ADAMTS6: variants seen among roughly 807,000 people sequenced by gnomAD.
ADAMTS6 encodes A disintegrin and metalloproteinase with thrombospondin motifs 6.
In ADAMTS6, 23 loss-of-function variants were observed where a neutral mutation model predicts 144.3. The observed-to-expected ratio is 0.16, with a 90% confidence interval of 0.11 to 0.23. The LOEUF is 0.23. Ranked by LOEUF, ADAMTS6 falls within the 10% of genes least tolerant of loss-of-function variation. The pLI, the probability that ADAMTS6 is intolerant of heterozygous loss-of-function variation, is 1.00. For synonymous variants in ADAMTS6, 444 were observed against 457.5 expected, an observed-to-expected ratio of 0.97 and a Z score of 0.38; for missense variants, 999 against 1,379.6, an observed-to-expected ratio of 0.72 and a Z score of 4.37.
chr5:65,320,315 C>A (rs554556950), intron 9 of ADAMTS6, among the ~76,000 whole-genome samples: 1 of 152,150 alleles, frequency 6.6e-6, no homozygotes, highest in East Asian at 1.9e-4. Context: ...ATAAATTTGG[C>A]AATTCAGCTG....
intron 7 of ADAMTS6, among the ~76,000 whole-genome samples, chr5:65,424,951 G>T (rs1033133295): frequency 6.6e-6 from 1 of 151,668 alleles, no homozygotes; most frequent in African/African-American, 2.4e-5. Context: ...TACTCCCTTG[G>T]TTTCAACTCT....
rs58173657 is a variant in ADAMTS6 at position 65,316,559 on chromosome 5, A to T, written c.1223+12819T>A. 1.8e-3 allele frequency among the ~76,000 whole-genome samples: 269 copies of T among 152,280 alleles called. 1 individual carries two copies. Among genetic ancestry groups the T allele is most frequent in the African/African-American group, 6.2e-3 (259 of 41,556 alleles). ...AGATGAGTACTGTCAGACTGGATTT[A>T]AAAAATGACTAAACAACTATAAGCT... On this transcript the variant is annotated intron_variant, in intron 9 of 24. Transcript: ENST00000381055.
At chr5:65,371,230 G>A (rs1381456645) in intron 7 of ADAMTS6, among the ~76,000 whole-genome samples, 12 of 152,194 alleles carry the variant, frequency 7.9e-5, no homozygotes, top group Non-Finnish European at 2.9e-5. Flanking sequence ...TCCTCCAAAG[G>A]AATGCAGTTC....
intron 7 of ADAMTS6, among the ~76,000 whole-genome samples, chr5:65,412,252 T>A (rs1158474986): frequency 6.6e-6 from 1 of 152,122 alleles, no homozygotes; most frequent in Non-Finnish European, 1.5e-5. Context: ...TAAAAGCCCT[T>A]AAAAACCAAG....
intron 7 of ADAMTS6, among the ~76,000 whole-genome samples, chr5:65,403,657 TAGTTACCATGTAAAATAGCAAGAAAACA>T (rs1754144240): frequency 6.6e-6 from 1 of 152,124 alleles, no homozygotes; most frequent in Admixed American, 6.6e-5. Context: ...ATGAGACAAC[TAGTTACCATGTAAAATAGCAAGAAAACA>T]AGTTACCATG....
At chr5:65,161,459 T>C (rs962288107) in intron 24 of ADAMTS6, among the ~76,000 whole-genome samples, 2 of 152,238 alleles carry the variant, frequency 1.3e-5, no homozygotes, top group Non-Finnish European at 2.9e-5. Flanking sequence ...TTTTTCCAAC[T>C]ATGTGTTATA....
intron 7 of ADAMTS6, among the ~76,000 whole-genome samples, chr5:65,436,906 C>G (rs189559776): frequency 6.6e-6 from 1 of 151,404 alleles, no homozygotes; most frequent in Non-Finnish European, 1.5e-5. Context: ...TCTTTATTAA[C>G]GAGGTGTATT....
intron 20 of ADAMTS6, among the ~76,000 whole-genome samples, chr5:65,197,801 T>C (rs1755483030): frequency 6.6e-6 from 1 of 152,210 alleles, no homozygotes; most frequent in African/African-American, 2.4e-5. Flanking sequence ...AATACATACA[T>C]ACACAGTTCA....
At chr5:65,360,374 C>A (rs1032421218) in intron 7 of ADAMTS6, among the ~76,000 whole-genome samples, 4 of 152,056 alleles carry the variant, frequency 2.6e-5, no homozygotes, top group Non-Finnish European at 4.4e-5. Context: ...CACCCACCTC[C>A]AACAATTGAA....
intron 15 of ADAMTS6, among the ~76,000 whole-genome samples, chr5:65,237,464 G>C (rs139982985): frequency 1.3e-5 from 2 of 150,636 alleles, no homozygotes; most frequent in African/African-American, 4.9e-5. Flanking sequence ...TTTCTCTTAA[G>C]GGAGTTAAAT....
chr5:65,348,760 T>C (rs1748579158), intron 7 of ADAMTS6, among the ~76,000 whole-genome samples: 1 of 152,030 alleles, frequency 6.6e-6, no homozygotes, highest in Admixed American at 6.6e-5. Flanking sequence ...TTGTACGCCA[T>C]AAATATATAC....
chr5:65,179,744 G>C (rs575079210), intron 22 of ADAMTS6, among the ~76,000 whole-genome samples: 2 of 152,054 alleles, frequency 1.3e-5, no homozygotes, highest in Non-Finnish European at 2.9e-5. Context: ...TTATTTAGGA[G>C]ACAGACATGG....
chr5:65,242,670 A>G (rs1218567623), intron 14 of ADAMTS6, among the ~76,000 whole-genome samples: 1 of 152,148 alleles, frequency 6.6e-6, no homozygotes, highest in Non-Finnish European at 1.5e-5. Flanking sequence ...TCCTACTACT[A>G]TAGCTATTTA....
At chr5:65,426,643 G>C (rs1468083979) in intron 7 of ADAMTS6, among the ~76,000 whole-genome samples, 2 of 152,008 alleles carry the variant, frequency 1.3e-5, no homozygotes, top group Admixed American at 1.3e-4. Flanking sequence ...CACAGCTAAA[G>C]AGATACTTAA....
chr5:65,372,978 GA>G (rs1751121013), intron 7 of ADAMTS6, among the ~76,000 whole-genome samples: 1 of 152,172 alleles, frequency 6.6e-6, no homozygotes, highest in Admixed American at 6.5e-5. Flanking sequence ...CAACTACATG[GA>G]AACTGAACAA....
At chr5:65,398,066 G>A (rs776382259) in intron 7 of ADAMTS6, among the ~76,000 whole-genome samples, 5 of 152,060 alleles carry the variant, frequency 3.3e-5, no homozygotes, top group Non-Finnish European at 5.9e-5. Context: ...CTTGGTAGCT[G>A]TTCCATGTGA....
chr5:65,418,901 A>C (rs1269793001), intron 7 of ADAMTS6, among the ~76,000 whole-genome samples: 1 of 152,054 alleles, frequency 6.6e-6, no homozygotes, highest in Non-Finnish European at 1.5e-5. Context: ...CAAAACAACA[A>C]ATGCTGGCAT....
chr5:65,429,442 T>C (rs1756821682), intron 7 of ADAMTS6, among the ~76,000 whole-genome samples: 1 of 152,202 alleles, frequency 6.6e-6, no homozygotes, highest in South Asian at 2.1e-4. Context: ...TAATATGCAT[T>C]GCCTGTCTGT....
chr5:65,257,724 C>CT (rs769630024), intron 14 of ADAMTS6, among the ~76,000 whole-genome samples: 10 of 152,304 alleles, frequency 6.6e-5, no homozygotes, highest in East Asian at 1.9e-4. Context: ...CTCATTTTCA[C>CT]TTTTTTCTGG....
Sources: gnomAD v4.1 joint callset for allele counts (sites outside exome capture counted in the v4.1 genomes callset) on GRCh38, gnomAD v4.1.1 for gene constraint, MANE v1.5 for transcripts, NCBI Gene and HGNC (gene_info 2026-07-23, HGNC 2026-07-21) for gene names.